The following FKTN variants were observed in gnomAD, a reference collection of about 807,000 sequenced individuals.
FKTN encodes ribitol-5-phosphate transferase FKTN.
FKTN carries 47 observed loss-of-function variants against 58.6 expected under a neutral mutation model. The observed-to-expected ratio is 0.80, with a 90% confidence interval of 0.63 to 1.02. The LOEUF (loss-of-function observed/expected upper bound fraction) is 1.02, where lower values mean the gene tolerates loss of function less well. Ranked by LOEUF, FKTN falls within the 50% of genes least tolerant of loss-of-function variation. The pLI, the probability that FKTN is intolerant of heterozygous loss-of-function variation, is 0.00. For missense variants in FKTN, 516 were observed against 537.3 expected (o/e 0.96, Z 0.39); for synonymous variants, 178 against 191.9 (o/e 0.93, Z 0.60).
At chr9:105,578,172 G>C (rs1842114125) in intron 3 of FKTN, among the ~76,000 whole-genome samples, 1 of 149,676 alleles carries the variant, frequency 6.7e-6, no homozygotes, top group Non-Finnish European at 1.5e-5. Flanking sequence ...TCCTTCTCCT[G>C]CCTAATTGCC....
intron 10 of FKTN, among the ~76,000 whole-genome samples, chr9:105,630,036 C>T (rs1482345013): frequency 6.6e-6 from 1 of 152,122 alleles, no homozygotes; most frequent in East Asian, 1.9e-4. Context: ...CACAATCACA[C>T]ACTGGGGCCT....
chr9:105,591,604 G>A (rs1844887310), intron 3 of FKTN, among the ~76,000 whole-genome samples: 1 of 152,130 alleles, frequency 6.6e-6, no homozygotes, highest in Non-Finnish European at 1.5e-5. Context: ...TGCTCTCATG[G>A]GCTGACATTG....
chr9:105,578,877 C>A lies in FKTN; in HGVS notation c.105+3740C>A, dbSNP rs1033527781. The stretch of plus-strand genomic sequence containing the variant: ...GTTATTGGTCTATTCAGAGATTCAA[C>A]TTCTTCCTGGTTTAGTCTTGGGAGA... On this transcript the variant is annotated intron_variant, in intron 3 of 10. Coordinates refer to ENST00000357998, the MANE Select transcript of FKTN (RefSeq NM_001079802.2). 5.3e-4 allele frequency among the ~76,000 whole-genome samples: 81 copies of A among 152,180 alleles called. No individual in the cohort carries two copies. The Middle Eastern group carries it at 0.014, about 26-fold the overall frequency.
At position 105,620,805 on chromosome 9, in the gene FKTN, GTA is replaced by G; in HGVS notation, c.1172+745_1172+746del. On this transcript the variant is annotated intron_variant, in intron 10 of 10. Coordinates refer to ENST00000357998, the MANE Select transcript of FKTN (RefSeq NM_001079802.2). ...AGTAGTAGTAGTAGTAGTAGTAGTAGTAGTAGTAGTAGTAGTAAAGAAAACTA... is the reference window on the plus strand; with the variant it reads ...AGTAGTAGTAGTAGTAGTAGTAGTAGGTAGTAGTAGTAGTAAAGAAAACTA... Among the ~76,000 whole-genome samples, 2 of 151,386 alleles carry G rather than the reference GTA, an allele frequency of 1.3e-5. 1 individual carries two copies. The highest frequency in any genetic ancestry group is 3.9e-4 in the East Asian group (2 of 5,164).
At chr9:105,567,826 C>T (rs534045029) in intron 1 of FKTN, among the ~76,000 whole-genome samples, 48 of 152,198 alleles carry the variant, frequency 3.2e-4, no homozygotes, top group African/African-American at 1.1e-3. Context: ...AAGAGCCCGC[C>T]TTGCCAAGTC....
rs866861957 is a variant in FKTN at position 105,637,703 on chromosome 9, A to T, written c.*2439A>T. 1.1e-5 allele frequency: 11 copies of T among 985,270 alleles called. No individual in the cohort carries two copies. In the African/African-American group the frequency reaches 1.6e-4, roughly 14 times the overall value. 61.0% of individuals were successfully genotyped at this position (985,270 alleles called of 1,614,324 possible). ...ACCTGGCTTACCTGGGGAAGTTGAC[A>T]ACTTGTTGGTAGTTAGGCACCCATG... On this transcript the variant is annotated 3_prime_UTR_variant, in exon 11 of 11. Transcript: ENST00000357998.
intron 10 of FKTN, among the ~76,000 whole-genome samples, chr9:105,625,034 A>T (rs1832581921): frequency 6.6e-6 from 1 of 152,222 alleles, no homozygotes; most frequent in Non-Finnish European, 1.5e-5. Context: ...CACGTAATAG[A>T]TTCACAACTG....
intron 10 of FKTN, among the ~76,000 whole-genome samples, chr9:105,622,794 G>A (rs1588246368): frequency 6.6e-6 from 1 of 152,022 alleles, no homozygotes; most frequent in Non-Finnish European, 1.5e-5. Context: ...GCTACTGTCA[G>A]TACTGTATTA....
intron 10 of FKTN, among the ~76,000 whole-genome samples, chr9:105,625,062 A>C (rs777758742): frequency 6.6e-6 from 1 of 152,232 alleles, no homozygotes; most frequent in Non-Finnish European, 1.5e-5. Flanking sequence ...ATTCTAAATT[A>C]GGCAGGCAGA....
At chr9:105,565,494 C>A (rs533407368) in intron 1 of FKTN, among the ~76,000 whole-genome samples, 1 of 152,182 alleles carries the variant, frequency 6.6e-6, no homozygotes, top group East Asian at 1.9e-4. Flanking sequence ...GTAGGGGTTG[C>A]AATCCTAGTC....
chr9:105,582,196 ACTTTT>A (rs945798239), intron 3 of FKTN, among the ~76,000 whole-genome samples: 36 of 152,042 alleles, frequency 2.4e-4, no homozygotes, highest in African/African-American at 8.4e-4. Context: ...CCTACCCGAA[ACTTTT>A]CTTTTTTTAA....
chr9:105,618,130 T>C (rs780980837), intron 9 of FKTN, 38 bp downstream of exon 9: 3 of 1,566,470 alleles, frequency 1.9e-6, no homozygotes, highest in South Asian at 2.2e-5. Context: ...ATAAGTAACA[T>C]ATCTCACTTG....
chr9:105,591,355 C>T (rs186753394), intron 3 of FKTN, among the ~76,000 whole-genome samples: 63 of 152,344 alleles, frequency 4.1e-4, no homozygotes, highest in Non-Finnish European at 7.5e-4. Flanking sequence ...TAGTTAGTTA[C>T]TCCCAAGATT....
Position 105,638,646 on chromosome 9 carries a change from G to T in FKTN, c.*3382G>T. The T allele has an allele frequency of 2.0e-6, 2 of 985,140 alleles. No individual in the cohort carries two copies. Among genetic ancestry groups the T allele is most frequent in the Middle Eastern group, 5.2e-4 (1 of 1,914 alleles). 61.0% of individuals were successfully genotyped at this position (985,140 alleles called of 1,614,324 possible). A position where few individuals can be genotyped will look rare whatever the true frequency, so the allele number is the denominator to read the frequency against. On this transcript the variant is annotated 3_prime_UTR_variant, in exon 11 of 11. Transcript: ENST00000357998. ...TAGTAGTGGTCTCATTCACAAAAAA[G>T]AATAATAGATGTAACTGGAGTCACT...
At chr9:105,616,158 A>C (rs921669572) in intron 8 of FKTN, among the ~76,000 whole-genome samples, 14 of 152,364 alleles carry the variant, frequency 9.2e-5, no homozygotes, top group African/African-American at 3.1e-4. Flanking sequence ...GGTTGTCCAC[A>C]GGTAACTGAA....
chr9:105,638,266 TAA>T lies in FKTN; in HGVS notation c.*3003_*3004del. 2.0e-6 allele frequency: 2 copies of T among 985,398 alleles called. No individual in the cohort carries two copies. Among genetic ancestry groups the T allele is most frequent in the Non-Finnish European group, 2.4e-6 (2 of 829,892 alleles). 61.0% of individuals were successfully genotyped at this position (985,398 alleles called of 1,614,324 possible). On this transcript the variant is annotated 3_prime_UTR_variant, in exon 11 of 11. Transcript: ENST00000357998. Reference sequence around the variant, plus strand: ...AAGGCATCCAGTGCTTCATTGAGGCTAAGTCTCAGGGTGTTTCTGCCGCTTAG... The same window carrying T: ...AAGGCATCCAGTGCTTCATTGAGGCTGTCTCAGGGTGTTTCTGCCGCTTAG...
At position 105,636,783 on chromosome 9, in the gene FKTN, C is replaced by G; in HGVS notation, c.*1519C>G. 6 of 1,273,546 alleles carry G rather than the reference C, an allele frequency of 4.7e-6. No individual in the cohort carries two copies. The highest frequency in any genetic ancestry group is 6.2e-6 in the Non-Finnish European group (6 of 968,162). The allele number at this position is 1,273,546 out of a possible 1,614,324, so 78.9% of individuals were successfully genotyped here. On this transcript the variant is annotated 3_prime_UTR_variant, in exon 11 of 11. Transcript: ENST00000357998. ...CAATAGTAGTCTCAAGAATGGAAACCTGAATGTCTGAGGGAATGGGCTGGT... is the reference window on the plus strand; with the variant it reads ...CAATAGTAGTCTCAAGAATGGAAACGTGAATGTCTGAGGGAATGGGCTGGT...
At chr9:105,622,399 C>T (rs996878612) in intron 10 of FKTN, among the ~76,000 whole-genome samples, 1 of 151,810 alleles carries the variant, frequency 6.6e-6, no homozygotes, top group Admixed American at 6.6e-5. Flanking sequence ...CTCTGCAGGA[C>T]TATAGAATGA....
At chr9:105,589,490 A>T (rs191056822) in intron 3 of FKTN, among the ~76,000 whole-genome samples, 82 of 150,988 alleles carry the variant, frequency 5.4e-4, no homozygotes, top group African/African-American at 1.8e-3. Context: ...TGACAGAATG[A>T]GACTCCATCT....
Sources: gnomAD v4.1 joint callset for allele counts (sites outside exome capture counted in the v4.1 genomes callset) on GRCh38, gnomAD v4.1.1 for gene constraint, MANE v1.5 for transcripts, NCBI Gene and HGNC (gene_info 2026-07-23, HGNC 2026-07-21) for gene names.